Variants in CALML3 observed in about 807,000 individuals in gnomAD.
CALML3 encodes calmodulin-like protein 3.
For missense variants in CALML3, 198 were observed against 214.1 expected (o/e 0.92, Z 0.47); for synonymous variants, 98 against 89.9 (o/e 1.09, Z -0.51).
rs1588462357 is a variant in CALML3 at position 5,525,032 on chromosome 10, TGGGA to T, written c.-48_-45del. 1 of 1,369,496 alleles carries T rather than the reference TGGGA, an allele frequency of 7.3e-7. No individual in the cohort carries two copies. The highest frequency in any genetic ancestry group is 1.0e-6 in the Non-Finnish European group (1 of 989,498). The allele number at this position is 1,369,496 out of a possible 1,614,324, so 84.8% of individuals were successfully genotyped here. A position where few individuals can be genotyped will look rare whatever the true frequency, so the allele number is the denominator to read the frequency against. On this transcript the variant is annotated 5_prime_UTR_variant, in exon 1 of 1. Transcript: ENST00000315238. Reference sequence around the variant, plus strand: ...TGGGACAGCAGCCGGGCTGCGGCACTGGGAGGGAGACCCCACAGTGGCCTCTTCT... The same window carrying T: ...TGGGACAGCAGCCGGGCTGCGGCACTGGGAGACCCCACAGTGGCCTCTTCT...
rs1338208653 is a variant in CALML3, at chr10:5,525,666, C to T, written c.*131C>T. On this transcript the variant is annotated 3_prime_UTR_variant, in exon 1 of 1. Coordinates refer to ENST00000315238, the MANE Select transcript of CALML3 (RefSeq NM_005185.4). ...TTCCTCCTGCGCCTGGTTGATTCAG[C>T]CCACCTCTCTGCATCCCGCTTCCCG... The T allele has an allele frequency of 9.5e-5, 138 of 1,451,442 alleles. No homozygotes were observed. In the Middle Eastern group the frequency reaches 2.0e-3, roughly 21 times the overall value. 89.9% of individuals were successfully genotyped at this position (1,451,442 alleles called of 1,614,324 possible).
Sources: gnomAD v4.1 joint callset for allele counts on GRCh38, gnomAD v4.1.1 for gene constraint, MANE v1.5 for transcripts, NCBI Gene and HGNC (gene_info 2026-07-23, HGNC 2026-07-21) for gene names.